Variants in MAML2 observed in about 807,000 individuals in gnomAD.
MAML2 encodes mastermind-like protein 2.
Under a neutral mutation model 96.1 loss-of-function variants are expected in MAML2, and 22 were observed. That is an observed-to-expected ratio of 0.23 (90% CI 0.16 to 0.33). MAML2 has a LOEUF of 0.33. Among genes scored for constraint, MAML2 ranks in the 10% least tolerant of loss-of-function variants. The pLI is 1.00. For missense variants in MAML2, 1,367 were observed against 1,392.4 expected, an observed-to-expected ratio of 0.98 and a Z score of 0.29; for synonymous variants, 561 against 521.3, an observed-to-expected ratio of 1.08 and a Z score of -1.04.
chr11:96,233,425 G>C (rs1395040041), intron 1 of MAML2, among the ~76,000 whole-genome samples: 1 of 148,334 alleles, frequency 6.7e-6, no homozygotes, highest in African/African-American at 2.5e-5. Flanking sequence ...CTTAATTTAA[G>C]ATACAGTGTC....
At chr11:96,074,734 C>G (rs1859406880) in intron 2 of MAML2, among the ~76,000 whole-genome samples, 1 of 152,212 alleles carries the variant, frequency 6.6e-6, no homozygotes, top group Admixed American at 6.5e-5. Context: ...TCATTTTTGA[C>G]ACCAGAATAA....
intron 2 of MAML2, among the ~76,000 whole-genome samples, chr11:95,997,763 A>C (rs888629413): frequency 2.0e-5 from 3 of 152,150 alleles, no homozygotes; most frequent in Non-Finnish European, 4.4e-5. Context: ...GCCCACTCTA[A>C]GGCCCACTGG....
At chr11:96,039,291 T>C (rs1275463134) in intron 2 of MAML2, among the ~76,000 whole-genome samples, 2 of 101,356 alleles carry the variant, frequency 2.0e-5, no homozygotes, top group African/African-American at 7.9e-5. Flanking sequence ...GAGACAGAGG[T>C]GAGAGAAGAG....
At chr11:96,265,946 C>T (rs1303276161) in intron 1 of MAML2, among the ~76,000 whole-genome samples, 3 of 152,196 alleles carry the variant, frequency 2.0e-5, no homozygotes, top group Non-Finnish European at 4.4e-5. Flanking sequence ...CCCCAGGATA[C>T]AGAAAGCCCT....
chr11:96,227,548 TTAA>T (rs1862232100), intron 1 of MAML2, among the ~76,000 whole-genome samples: 1 of 152,128 alleles, frequency 6.6e-6, no homozygotes. Flanking sequence ...AGCTCTGAAG[TTAA>T]ACATATTTCA....
At position 95,979,801 on chromosome 11, in the gene MAML2, A is replaced by C; in HGVS notation, c.2618T>G (p.Leu873Arg). The C allele has an allele frequency of 6.2e-7, 1 of 1,613,998 alleles. No individual in the cohort carries two copies. The highest frequency in any genetic ancestry group is 8.5e-7 in the Non-Finnish European group (1 of 1,179,892). The change falls in exon 5 of 5, where the codon CTG becomes CGG. Residue 873 changes from leucine to arginine, a missense_variant. Leu to Arg is a moderately radical substitution (Grantham distance 102, BLOSUM62 -2). Transcript: ENST00000524717. ...AVQNMGMYGN[L>R]PCNQPNTYSV... ...GTATGTGTTAGGTTGATTACAAGGC[A>C]GATTTCCATACATCCCCATATTCTG...
intron 2 of MAML2, 50 bp from the exon 3 acceptor site, chr11:95,991,773 A>G (rs538036642): frequency 7.1e-7 from 1 of 1,406,526 alleles, no homozygotes; most frequent in South Asian, 1.2e-5. Flanking sequence ...TAAAAAAAGA[A>G]AAATGTAGCA....
intron 1 of MAML2, among the ~76,000 whole-genome samples, chr11:96,102,017 C>T (rs1435114748): frequency 6.6e-6 from 1 of 152,230 alleles, no homozygotes; most frequent in Non-Finnish European, 1.5e-5. Flanking sequence ...TGGCTCATGC[C>T]TGTAATCCCA....
chr11:96,182,012 G>A (rs142693652), intron 1 of MAML2, among the ~76,000 whole-genome samples: 147 of 152,232 alleles, frequency 9.7e-4, no homozygotes, highest in Middle Eastern at 3.4e-3. Context: ...CAGTAGGTAT[G>A]AGGAAAAAAG....
intron 2 of MAML2, among the ~76,000 whole-genome samples, chr11:96,088,081 A>T (rs1859646751): frequency 6.6e-6 from 1 of 152,204 alleles, no homozygotes. Flanking sequence ...TGGGGCAGAG[A>T]ACATTAGGAG....
intron 2 of MAML2, among the ~76,000 whole-genome samples, chr11:96,048,811 A>G (rs2135764934): frequency 6.6e-6 from 1 of 152,332 alleles, no homozygotes; most frequent in South Asian, 2.1e-4. Context: ...AAGTTTTAAA[A>G]TTTACTTGAC....
intron 1 of MAML2, among the ~76,000 whole-genome samples, chr11:96,307,721 T>C (rs1353189651): frequency 1.3e-5 from 2 of 149,082 alleles, no homozygotes; most frequent in African/African-American, 5.2e-5. Context: ...CACCACTTCC[T>C]TTATGACCGC....
intron 2 of MAML2, among the ~76,000 whole-genome samples, chr11:96,023,980 T>C (rs1179336790): frequency 6.6e-6 from 1 of 152,190 alleles, no homozygotes; most frequent in Non-Finnish European, 1.5e-5. Flanking sequence ...ACTGCAAACC[T>C]TCTCAGTTGT....
chr11:96,166,500 A>G (rs1565235220), intron 1 of MAML2, among the ~76,000 whole-genome samples: 1 of 152,316 alleles, frequency 6.6e-6, no homozygotes, highest in East Asian at 1.9e-4. Context: ...AGTGGAAGTT[A>G]GAAGAAAGAG....
intron 1 of MAML2, among the ~76,000 whole-genome samples, chr11:96,305,023 G>A (rs1863444556): frequency 1.3e-5 from 2 of 152,140 alleles, no homozygotes; most frequent in Admixed American, 1.3e-4. Flanking sequence ...AATTAGAGAT[G>A]CACCATTTAT....
At chr11:96,328,862 C>T (rs2136016312) in intron 1 of MAML2, among the ~76,000 whole-genome samples, 1 of 152,192 alleles carries the variant, frequency 6.6e-6, no homozygotes, top group African/African-American at 2.4e-5. Context: ...AATTCCCCTC[C>T]CCCAGGGCAA....
intron 1 of MAML2, among the ~76,000 whole-genome samples, chr11:96,134,045 T>C (rs1860587913): frequency 1.3e-5 from 2 of 152,184 alleles, no homozygotes; most frequent in Admixed American, 1.3e-4. Flanking sequence ...GAACAGTTTA[T>C]AATTAGACAT....
chr11:96,264,504 T>C (rs1448843292), intron 1 of MAML2, among the ~76,000 whole-genome samples: 1 of 152,244 alleles, frequency 6.6e-6, no homozygotes, highest in Non-Finnish European at 1.5e-5. Context: ...TGTCCTGTTT[T>C]GTGCCACTCA....
At chr11:96,311,836 T>C (rs1180217672) in intron 1 of MAML2, among the ~76,000 whole-genome samples, 1 of 152,232 alleles carries the variant, frequency 6.6e-6, no homozygotes, top group Non-Finnish European at 1.5e-5. Flanking sequence ...GAAGGCTTTT[T>C]TCCAATGGTG....
Sources: allele counts gnomAD v4.1 joint callset (sites outside exome capture counted in the v4.1 genomes callset), GRCh38; gene constraint gnomAD v4.1.1; transcripts MANE v1.5; gene names NCBI Gene and HGNC (gene_info 2026-07-23, HGNC 2026-07-21).